Variants in FSTL5 observed in about 807,000 individuals in gnomAD.
FSTL5 encodes follistatin-related protein 5.
A neutral mutation model predicts 89.1 loss-of-function variants in FSTL5; 62 were observed. The observed-to-expected ratio is 0.70, with a 90% CI of 0.57 to 0.86. FSTL5 has a LOEUF of 0.86. Among genes scored for constraint, FSTL5 ranks in the 40% least tolerant of loss-of-function variants. The pLI is 0.00. For synonymous variants in FSTL5, 383 were observed against 346.2 expected, an observed-to-expected ratio of 1.11 and a Z score of -1.18; for missense variants, 1,057 against 1,001.6, an observed-to-expected ratio of 1.06 and a Z score of -0.75.
At chr4:161,864,259 C>T (rs765150778) in intron 4 of FSTL5, among the ~76,000 whole-genome samples, 12 of 151,964 alleles carry the variant, frequency 7.9e-5, no homozygotes, top group Non-Finnish European at 1.3e-4. Flanking sequence ...TAGTGGTGGC[C>T]GATTTTATAA....
Position 161,868,008 on chromosome 4 carries a change from C to A in FSTL5, c.409+52396G>T, listed in dbSNP as rs184634668. ...AATTAAAAATGAGAGAAGCATGATA[C>A]AAATGTATCTACAGTATGCTCTCAA... is the stretch of plus-strand genomic sequence containing the variant. On this transcript the variant is annotated intron_variant, in intron 4 of 15. Coordinates refer to ENST00000306100, the MANE Select transcript of FSTL5 (RefSeq NM_020116.5). Among the ~76,000 whole-genome samples, 7 of 152,074 alleles carry A rather than the reference C, an allele frequency of 4.6e-5. No individual in the cohort carries two copies. The East Asian group carries it at 1.4e-3, about 29-fold the overall frequency.
intron 1 of FSTL5, among the ~76,000 whole-genome samples, chr4:162,155,678 A>C (rs1218270277): frequency 6.6e-6 from 1 of 152,250 alleles, no homozygotes; most frequent in African/African-American, 2.4e-5. Context: ...TTAAACTATA[A>C]GAACTTTTGA....
chr4:161,390,014 C>T (rs28579636), intron 15 of FSTL5, among the ~76,000 whole-genome samples: 3,216 of 152,176 alleles, frequency 0.021, 111 homozygotes, highest in African/African-American at 0.072. Context: ...ACAATAAAAA[C>T]ACATGTTTTT....
At chr4:161,843,815 C>T (rs953094950) in intron 4 of FSTL5, among the ~76,000 whole-genome samples, 13 of 151,952 alleles carry the variant, frequency 8.6e-5, no homozygotes, top group Non-Finnish European at 1.3e-4. Context: ...AAGACTTAAA[C>T]GTAAGTCCTA....
At chr4:162,033,376 A>C (rs956649174) in intron 3 of FSTL5, among the ~76,000 whole-genome samples, 2 of 152,140 alleles carry the variant, frequency 1.3e-5, no homozygotes, top group Admixed American at 6.6e-5. Flanking sequence ...CAATATAGGG[A>C]AAAAACAATA....
chr4:161,447,761 GAA>G (rs1732995934), intron 15 of FSTL5, among the ~76,000 whole-genome samples: 2 of 152,224 alleles, frequency 1.3e-5, no homozygotes, highest in South Asian at 4.1e-4. Flanking sequence ...ATAAGATTAA[GAA>G]AGTTATCCAG....
intron 3 of FSTL5, among the ~76,000 whole-genome samples, chr4:162,016,902 T>A (rs1034499526): frequency 6.6e-6 from 1 of 152,212 alleles, no homozygotes; most frequent in African/African-American, 2.4e-5. Flanking sequence ...GACAGATATC[T>A]ACACTAACCA....
intron 2 of FSTL5, among the ~76,000 whole-genome samples, chr4:162,094,061 T>A (rs1730655281): frequency 1.3e-5 from 2 of 152,162 alleles, no homozygotes; most frequent in South Asian, 4.1e-4. Context: ...AAAACAAATA[T>A]GCTGGCACAA....
chr4:161,621,280 A>ACG (rs1204701423), intron 7 of FSTL5, among the ~76,000 whole-genome samples: 2 of 150,568 alleles, frequency 1.3e-5, no homozygotes, highest in Non-Finnish European at 3.0e-5. Flanking sequence ...ACACACACAC[A>ACG]CACACACACA....
At chr4:161,789,490 C>A (rs1729383813) in intron 4 of FSTL5, among the ~76,000 whole-genome samples, 1 of 152,056 alleles carries the variant, frequency 6.6e-6, no homozygotes. Context: ...GGAAGAAATT[C>A]AATTGACTTT....
chr4:161,607,130 A>C (rs2126631306), intron 7 of FSTL5, among the ~76,000 whole-genome samples: 1 of 152,304 alleles, frequency 6.6e-6, no homozygotes, highest in African/African-American at 2.4e-5. Context: ...AGTTATTAGT[A>C]ATATAATGAG....
intron 3 of FSTL5, among the ~76,000 whole-genome samples, chr4:162,031,718 A>G (rs1398958720): frequency 3.9e-5 from 6 of 152,110 alleles, no homozygotes; most frequent in African/African-American, 1.4e-4. Context: ...AGGGAGGATT[A>G]TGAGGTCAAG....
chr4:161,436,706 T>C (rs190297726), intron 15 of FSTL5, among the ~76,000 whole-genome samples: 3 of 152,338 alleles, frequency 2.0e-5, no homozygotes, highest in Admixed American at 2.0e-4. Context: ...CCTTCATCTA[T>C]GCCTATGTCC....
chr4:161,389,144 C>T (rs1174603811), intron 15 of FSTL5, among the ~76,000 whole-genome samples: 1 of 151,992 alleles, frequency 6.6e-6, no homozygotes, highest in Non-Finnish European at 1.5e-5. Context: ...TCAGAAGTCT[C>T]CCACTGTTCA....
chr4:162,124,138 T>C (rs987707461), intron 1 of FSTL5, among the ~76,000 whole-genome samples: 2 of 152,172 alleles, frequency 1.3e-5, no homozygotes, highest in Non-Finnish European at 2.9e-5. Flanking sequence ...GACAATACAT[T>C]GGTACTAGTA....
At chr4:161,407,326 A>G (rs77661167) in intron 15 of FSTL5, among the ~76,000 whole-genome samples, 9 of 152,192 alleles carry the variant, frequency 5.9e-5, no homozygotes, top group Admixed American at 2.6e-4. Context: ...TCCCACAAAA[A>G]CAGAGATTTC....
intron 6 of FSTL5, among the ~76,000 whole-genome samples, chr4:161,671,783 G>GT (rs1737123538): frequency 6.6e-6 from 1 of 152,116 alleles, no homozygotes; most frequent in African/African-American, 2.4e-5. Context: ...CAACATGAAA[G>GT]TAAGTCCTGT....
At chr4:161,450,009 C>T (rs1036345761) in intron 15 of FSTL5, among the ~76,000 whole-genome samples, 8 of 152,182 alleles carry the variant, frequency 5.3e-5, no homozygotes, top group African/African-American at 1.4e-4. Context: ...AGATTTCTTA[C>T]ATTTCCCTGC....
intron 3 of FSTL5, among the ~76,000 whole-genome samples, chr4:161,980,193 GA>G (rs1208609441): frequency 6.7e-6 from 1 of 149,004 alleles, no homozygotes. Flanking sequence ...AGGAGACAAG[GA>G]AGGAGAGAGA....
Sources: gnomAD v4.1 joint callset for allele counts (sites outside exome capture counted in the v4.1 genomes callset) on GRCh38, gnomAD v4.1.1 for gene constraint, MANE v1.5 for transcripts, NCBI Gene and HGNC (gene_info 2026-07-23, HGNC 2026-07-21) for gene names.